Variants in DYNC2H1 observed in about 807,000 individuals in gnomAD.
DYNC2H1 encodes cytoplasmic dynein 2 heavy chain 1.
A neutral mutation model predicts 570.0 loss-of-function variants in DYNC2H1; 410 were observed. The observed-to-expected ratio is 0.72, with a 90% CI of 0.66 to 0.78. The LOEUF (loss-of-function observed/expected upper bound fraction) is 0.78. DYNC2H1 is among the 30% of genes least tolerant of loss of function. DYNC2H1 has a pLI of 0.00. For synonymous variants in DYNC2H1, 1,688 were observed against 1,677.6 expected (o/e 1.01, Z -0.15); for missense variants, 4,865 against 5,046.4 (o/e 0.96, Z 1.09).
intron 84 of DYNC2H1, chr11:103,402,384 T>C (rs1355742989): frequency 6.6e-6 from 1 of 152,188 alleles, no homozygotes; most frequent in Non-Finnish European, 1.5e-5. Context: ...TACGGTGGCC[T>C]TGAAATGTGC....
At position 103,395,090 on chromosome 11, in the gene DYNC2H1, C is replaced by T. The variant is rs982112496; in HGVS notation, c.12157-4573C>T. 1.3e-5 allele frequency among the ~76,000 whole-genome samples: 2 copies of T among 152,052 alleles called. No individual in the cohort carries two copies. The highest frequency in any genetic ancestry group is 1.3e-4 in the Admixed American group (2 of 15,258). On this transcript the variant is annotated intron_variant, in intron 83 of 88. Coordinates refer to ENST00000375735, the MANE Select transcript of DYNC2H1 (RefSeq NM_001377.3). The surrounding 1 kb of genome is among the most constrained non-coding windows in gnomAD (Gnocchi z 4.3). ...CATGCAGATATGGGCATAATTTAAT[C>T]CAGATATGTAATATTTTGACCTTTC...
chr11:103,390,441 C>G (rs1173180431), intron 83 of DYNC2H1, among the ~76,000 whole-genome samples: 1 of 151,932 alleles, frequency 6.6e-6, no homozygotes, highest in African/African-American at 2.4e-5. Context: ...TGGGTCTTGA[C>G]TCTTTATCCA....
At chr11:103,477,758 G>A (rs1294165176) in intron 88 of DYNC2H1, among the ~76,000 whole-genome samples, 2 of 149,636 alleles carry the variant, frequency 1.3e-5, no homozygotes, top group Non-Finnish European at 3.0e-5. Flanking sequence ...ATGAACCCGG[G>A]AGGTGGAGCT....
intron 83 of DYNC2H1, among the ~76,000 whole-genome samples, chr11:103,375,789 A>G (rs1346834772): frequency 6.6e-6 from 1 of 152,176 alleles, no homozygotes; most frequent in Non-Finnish European, 1.5e-5. Flanking sequence ...CATAGGTGGA[A>G]GGGACTTGCC....
chr11:103,130,902 A>G (rs2134757482), intron 13 of DYNC2H1, among the ~76,000 whole-genome samples: 1 of 152,346 alleles, frequency 6.6e-6, no homozygotes, highest in Admixed American at 6.5e-5. Flanking sequence ...TAGAGAGAAC[A>G]TAAGGTTCTG....
intron 83 of DYNC2H1, among the ~76,000 whole-genome samples, chr11:103,370,839 T>C (rs2408586): frequency 0.68 from 102,571 of 151,844 alleles, 34,736 homozygotes; most frequent in Admixed American, 0.73. Flanking sequence ...GGAAAGCCTT[T>C]CTAAGAAGGT....
chr11:103,342,436 CAA>C (rs1485197688), intron 82 of DYNC2H1, among the ~76,000 whole-genome samples: 213 of 152,066 alleles, frequency 1.4e-3, no homozygotes, highest in African/African-American at 4.1e-3. Flanking sequence ...TCCCCTTCCA[CAA>C]CGTGGAACCT....
intron 85 of DYNC2H1, among the ~76,000 whole-genome samples, chr11:103,438,568 C>T (rs1944142894): frequency 1.3e-5 from 2 of 152,082 alleles, no homozygotes. Flanking sequence ...ATTTTAGGGT[C>T]TTGCATTTTG....
intron 45 of DYNC2H1, among the ~76,000 whole-genome samples, chr11:103,190,263 A>C (rs373713513): frequency 6.6e-6 from 1 of 152,200 alleles, no homozygotes. Flanking sequence ...GAAAGTAGGC[A>C]TTGAGGATAC....
chr11:103,331,557 T>C (rs1182476466), intron 82 of DYNC2H1, among the ~76,000 whole-genome samples: 1 of 152,134 alleles, frequency 6.6e-6, no homozygotes, highest in Non-Finnish European at 1.5e-5. Flanking sequence ...AGAAAGAAAG[T>C]TATATGCATT....
intron 82 of DYNC2H1, among the ~76,000 whole-genome samples, chr11:103,340,163 A>C (rs954329402): frequency 6.6e-6 from 1 of 152,130 alleles, no homozygotes; most frequent in African/African-American, 2.4e-5. Flanking sequence ...TTTTTAAAAT[A>C]GTGTTTTCTT....
intron 83 of DYNC2H1, among the ~76,000 whole-genome samples, chr11:103,379,291 T>A (rs1591652571): frequency 6.6e-6 from 1 of 152,228 alleles, no homozygotes; most frequent in East Asian, 1.9e-4. Flanking sequence ...ATCTTCTGTG[T>A]TCAGTATCCT....
rs756546679 is a variant in DYNC2H1, at chr11:103,151,294, G to A, written c.2947-842G>A. 2.0e-5 allele frequency among the ~76,000 whole-genome samples: 3 copies of A among 151,970 alleles called. No homozygotes were observed. The highest frequency in any genetic ancestry group is 4.4e-5 in the Non-Finnish European group (3 of 67,992). On this transcript the variant is annotated intron_variant, in intron 20 of 88. Transcript: ENST00000375735. This position sits in a 1 kb window ranked among gnomAD's most constrained non-coding sequence, Gnocchi z 4.6. Reference sequence around the variant, plus strand: ...TTAAAATATATTTTTTTAGAGATGCGTTCTCACTATGTTGCTTAGGTTAAT... The same window carrying A: ...TTAAAATATATTTTTTTAGAGATGCATTCTCACTATGTTGCTTAGGTTAAT...
chr11:103,411,648 A>AT (rs965719227), intron 84 of DYNC2H1, among the ~76,000 whole-genome samples: 2 of 152,052 alleles, frequency 1.3e-5, no homozygotes, highest in East Asian at 3.9e-4. Flanking sequence ...ATATGAAACA[A>AT]TTTTTTAAGA....
At chr11:103,376,517 T>A (rs1941401340) in intron 83 of DYNC2H1, among the ~76,000 whole-genome samples, 1 of 152,220 alleles carries the variant, frequency 6.6e-6, no homozygotes, top group Non-Finnish European at 1.5e-5. Context: ...ACATAAAGAA[T>A]CCTGTAGTTG....
intron 88 of DYNC2H1, among the ~76,000 whole-genome samples, chr11:103,471,299 G>A (rs946720742): frequency 1.3e-5 from 2 of 152,094 alleles, no homozygotes; most frequent in Non-Finnish European, 2.9e-5. Context: ...TCCTTGTCCT[G>A]TAATCATACT....
Position 103,121,045 on chromosome 11 carries a change from T to G in DYNC2H1, c.1360+9T>G, listed in dbSNP as rs1858678330. On this transcript the variant is annotated intron_variant, in intron 9 of 88. Coordinates refer to ENST00000375735, the MANE Select transcript of DYNC2H1 (RefSeq NM_001377.3). ...TGTGGACTCAATTAAAGGTAAAAGT[T>G]TATGAGATTATAGTGTTTGCTTGAG... The G allele has an allele frequency of 2.7e-6, 4 of 1,490,028 alleles. No homozygotes were observed. The highest frequency in any genetic ancestry group is 2.0e-5 in the Admixed American group (1 of 49,128). 92.3% of individuals were successfully genotyped at this position (1,490,028 alleles called of 1,614,324 possible).
At chr11:103,376,134 T>A (rs1469242913) in intron 83 of DYNC2H1, among the ~76,000 whole-genome samples, 3 of 152,204 alleles carry the variant, frequency 2.0e-5, no homozygotes, top group African/African-American at 7.2e-5. Flanking sequence ...GCACTCATTC[T>A]CTCTCCTGCT....
intron 75 of DYNC2H1, among the ~76,000 whole-genome samples, chr11:103,288,513 T>G (rs1420843370): frequency 6.6e-6 from 1 of 151,132 alleles, no homozygotes; most frequent in Non-Finnish European, 1.5e-5. Context: ...GGGATAAGTC[T>G]GCCTTTGTAG....
Sources: gnomAD v4.1 joint callset for allele counts (sites outside exome capture counted in the v4.1 genomes callset) on GRCh38, gnomAD v4.1.1 for gene constraint, Gnocchi (gnomAD v3.1) non-coding constraint, MANE v1.5 for transcripts, NCBI Gene and HGNC (gene_info 2026-07-23, HGNC 2026-07-21) for gene names.